Variants in TTN observed in about 807,000 individuals in gnomAD.
TTN encodes the protein connectin.
In TTN, 1,525 loss-of-function variants were observed where a neutral mutation model predicts 3,223.0. That is an observed-to-expected ratio of 0.47 (90% CI 0.45 to 0.49). TTN has a LOEUF of 0.49. Ranked by LOEUF, TTN falls within the 20% of genes least tolerant of loss-of-function variation. The pLI is 0.00. For missense variants in TTN, 40,786 were observed against 43,424.0 expected (o/e 0.94, Z 5.40); for synonymous variants, 14,094 against 15,161.0 (o/e 0.93, Z 5.17).
rs904332754 is a variant in TTN at position 178,772,868 on chromosome 2, T to C, written c.7855+241A>G. ...ATCCTGGGGTTGGATGAGGAAGAGA[T>C]CATATACAAATGGAGAGATTAAGGA... On this transcript the variant is annotated intron_variant, in intron 33 of 362. Transcript: ENST00000589042. 1.1e-4 allele frequency: 62 copies of C among 548,232 alleles called. 1 individual carries two copies. Among genetic ancestry groups the C allele is most frequent in the Middle Eastern group, 9.8e-4 (2 of 2,034 alleles). 34.0% of individuals were successfully genotyped at this position (548,232 alleles called of 1,614,324 possible).
At chr2:178,681,779 A>C (rs745632159) in intron 135 of TTN, 41 bp from the exon 136 acceptor site, 10 of 1,469,518 alleles carry the variant, frequency 6.8e-6, no homozygotes, top group Non-Finnish European at 9.3e-6. Flanking sequence ...TAGACTTAGA[A>C]TATAAGTTTA....
chr2:178,789,276 T>C (rs1427051305), intron 13 of TTN, 84 bp downstream of exon 13: 3 of 1,549,782 alleles, frequency 1.9e-6, no homozygotes, highest in Non-Finnish European at 8.9e-7. Flanking sequence ...TTGATATTAA[T>C]GTATTACAAT....
At chr2:178,549,939 A>G in intron 337 of TTN, 47 bp downstream of exon 337, 1 of 1,563,032 alleles carries the variant, frequency 6.4e-7, no homozygotes, top group South Asian at 1.2e-5. Context: ...GCATGTCTCT[A>G]ATCCAAGTTC....
At position 178,723,200 on chromosome 2, in the gene TTN, G is replaced by C. The variant is rs78990961; in HGVS notation, c.21807C>G (p.Asn7269Lys). The part of the protein sequence containing the change: ...ISVTWKKDGF[N>K]ITTSEKCNIV... ...TGTTACATTTTTCAGAGGTAGTTAT[G>C]TTAAAACCATCCTTTTTCCAAGTGA... is the stretch of plus-strand genomic sequence containing the variant. Residue 7269 changes from asparagine to lysine, a missense_variant, in exon 75 of 363, where the codon AAC (asparagine) becomes AAG (lysine). Transcript: ENST00000589042. The C allele has an allele frequency of 2.5e-6, 4 of 1,613,484 alleles. No individual in the cohort carries two copies. The Admixed American group carries it at 6.7e-5, about 27-fold the overall frequency.
At chr2:178,652,233 A>T (rs760923203) in intron 203 of TTN, 31 bp downstream of exon 203, 3 of 1,613,102 alleles carry the variant, frequency 1.9e-6, no homozygotes, top group South Asian at 1.1e-5. Context: ...CAAACAAACA[A>T]TATCAAACAC....
chr2:178,715,192 T>C lies in TTN; in HGVS notation c.25994A>G (p.Glu8665Gly), dbSNP rs1226104343. 1.7e-5 allele frequency: 28 copies of C among 1,613,712 alleles called. No individual in the cohort carries two copies. The highest frequency in any genetic ancestry group is 2.3e-5 in the Non-Finnish European group (27 of 1,179,696). Residue 8665 changes from glutamate to glycine, a missense_variant, in exon 90 of 363, where the codon GAG becomes GGG. By Grantham distance (98) the Glu-to-Gly change is moderately conservative (BLOSUM62 -2). Coordinates refer to ENST00000589042, the MANE Select transcript of TTN (RefSeq NM_001267550.2). ...GTGAAATGGGGGAGTGCCCTGAAGC[T>C]CACATTCAAGGTGAACATCAGCTCC... Reference protein sequence around the residue: ...LKGADVHLECELQGTPPFHVS... With the variant: ...LKGADVHLECGLQGTPPFHVS...
chr2:178,693,685 G>T lies in TTN; in HGVS notation c.31518C>A (p.Pro10506=), dbSNP rs746912694. 6.9e-6 allele frequency: 11 copies of T among 1,591,910 alleles called. No homozygotes were observed. The highest frequency in any genetic ancestry group is 9.4e-6 in the Non-Finnish European group (11 of 1,165,754). ...HTEEEVSVTV[P]EVQKEIVTEE... is the part of the protein sequence containing the mutation. ...CAGTAACAATTTCCTTTTGTACCTC[G>T]GGGACTTAAAAAAATGTACATTTTA... is the stretch of plus-strand genomic sequence containing the variant. Residue 10506 remains proline (P), a synonymous_variant, in exon 119 of 363, where the codon CCC becomes CCA. Coordinates refer to ENST00000589042, the MANE Select transcript of TTN (RefSeq NM_001267550.2).
At chr2:178,750,626 T>C (rs754421419) in intron 47 of TTN, 1 of 1,612,830 alleles carries the variant, frequency 6.2e-7, no homozygotes, top group East Asian at 2.2e-5. Context: ...CATGTTTTCT[T>C]CCTTCTGTTC....
chr2:178,728,103 T>C lies in TTN; in HGVS notation c.19714+7A>G. 6.5e-7 allele frequency: 1 copy of C among 1,547,316 alleles called. No individual in the cohort carries two copies. ...GAAGAATCAAGAAGAGGTAAAGAAA[T>C]TCTAACCTTTCACAGTTAAGATGCC... On this transcript the variant is annotated splice_region_variant and intron_variant, in intron 67 of 362. Transcript: ENST00000589042.
Position 178,531,752 on chromosome 2 carries a change from A to T in TTN, c.104863T>A (p.Cys34955Ser). ...TLRMRSHRVP[C>S]GQNTRFILNV... The stretch of plus-strand genomic sequence containing the variant: ...AAAATAAAACGTGTATTTTGGCCAC[A>T]TGGTACCCTGTGCGAGCGCATTCTC... The change falls in exon 358 of 363, where the codon TGT becomes AGT. Residue 34955 changes from cysteine to serine, a missense_variant. Cys to Ser is a moderately radical substitution (Grantham distance 112, BLOSUM62 -1). Transcript: ENST00000589042. 6.2e-7 allele frequency: 1 copy of T among 1,613,992 alleles called. No individual in the cohort carries two copies.
chr2:178,566,561 A>G lies in TTN; in HGVS notation c.79571T>C (p.Val26524Ala). The change falls in exon 326 of 363, where the codon GTA becomes GCA. Residue 26524 changes from valine to alanine, a missense_variant. Transcript: ENST00000589042. ...TTCTTCATCTGCTTTACAGATTTCT[A>G]CTACATATCCCAAGATCTCACTGCC... is the stretch of plus-strand genomic sequence containing the variant. ...DGGSEILGYV[V>A]EICKADEEEW... The G allele has an allele frequency of 6.2e-7, 1 of 1,613,126 alleles. No individual in the cohort carries two copies. The highest frequency in any genetic ancestry group is 1.1e-5 in the South Asian group (1 of 91,082).
chr2:178,807,014 G>C (rs937514148), intron 1 of TTN, among the ~76,000 whole-genome samples, 198 bp downstream of exon 1: 1 of 152,066 alleles, frequency 6.6e-6, no homozygotes, highest in African/African-American at 2.4e-5. Context: ...ATATAATAAA[G>C]CTTTCAACTT....
At chr2:178,770,861 A>T (rs1473621655) in intron 34 of TTN, 186 bp from the exon 35 acceptor site, 2 of 864,536 alleles carry the variant, frequency 2.3e-6, no homozygotes, top group Non-Finnish European at 3.9e-6. Flanking sequence ...CCAACTGGAC[A>T]TGTACATCGT....
In TTN at chr2:178,559,722, T is replaced by G. The variant is rs879038909; in HGVS notation, c.86410A>C (p.Thr28804Pro). 1 of 1,601,368 alleles carries G rather than the reference T, an allele frequency of 6.2e-7. No individual in the cohort carries two copies. ...ATGGTCAGTGATGTACGAGAGTCTG[T>G]GGTATCAACATAAGCTCTAGTACGG... Reference protein sequence around the residue: ...DLRTRAYVDTTDSRTSLTIEN... With the variant: ...DLRTRAYVDTPDSRTSLTIEN... The change falls in exon 326 of 363, where the codon ACA becomes CCA. Residue 28804 changes from threonine (T) to proline (P), a missense_variant. Coordinates refer to ENST00000589042, the MANE Select transcript of TTN (RefSeq NM_001267550.2).
chr2:178,600,782 T>C (rs1319441312), intron 288 of TTN, 72 bp downstream of exon 288: 11 of 1,564,440 alleles, frequency 7.0e-6, no homozygotes, highest in Admixed American at 1.7e-5. Flanking sequence ...CTCTTTTAAT[T>C]GTGAACTATT....
rs774929695 is a variant in TTN, at chr2:178,681,486, G to T, written c.33173-36C>A. ...TCAATATTAAGAGATTTTAAAAATT[G>T]AAACAGGTTTCTCAAGGCTAGCAAG... On this transcript the variant is annotated intron_variant, in intron 136 of 362. Coordinates refer to ENST00000589042, the MANE Select transcript of TTN (RefSeq NM_001267550.2). The T allele has an allele frequency of 1.0e-5, 16 of 1,566,122 alleles. No homozygotes were observed. In the Admixed American group the frequency reaches 2.9e-4, roughly 28 times the overall value.
chr2:178,777,391 T>A, intron 26 of TTN, 29 bp downstream of exon 26: 1 of 1,611,400 alleles, frequency 6.2e-7, no homozygotes, highest in South Asian at 1.1e-5. Context: ...ATAAGAAAAT[T>A]CATTTATTTT....
intron 47 of TTN, chr2:178,747,139 G>GT: frequency 3.1e-6 from 5 of 1,604,920 alleles, no homozygotes; most frequent in Non-Finnish European, 4.2e-6. Flanking sequence ...TCTCTCCTGG[G>GT]GGTGTGGAAT....
Position 178,712,050 on chromosome 2 carries a change from A to G in TTN, c.27780T>C (p.Ala9260=). 2 of 1,613,834 alleles carry G rather than the reference A, an allele frequency of 1.2e-6. No individual in the cohort carries two copies. The highest frequency in any genetic ancestry group is 1.7e-6 in the Non-Finnish European group (2 of 1,179,772). The change falls in exon 96 of 363, where the codon GCT becomes GCC. Residue 9260 remains alanine, a synonymous_variant. Transcript: ENST00000589042. ...TYKMHFRNNV[A]TLVFNQVDIN... is the part of the protein sequence containing the mutation. ...TATCAACCTGGTTGAAAACCAGTGT[A>G]GCAACATTATTCCTAAAATGCATTT... is the stretch of plus-strand genomic sequence containing the variant.
Sources: allele counts gnomAD v4.1 joint callset (sites outside exome capture counted in the v4.1 genomes callset), GRCh38; gene constraint gnomAD v4.1.1; transcripts MANE v1.5; gene names NCBI Gene and HGNC (gene_info 2026-07-23, HGNC 2026-07-21).